The following PLS3 variants were observed in gnomAD, a reference collection of about 807,000 sequenced individuals.
PLS3 encodes the protein plastin-3.
Under a neutral mutation model 46.5 loss-of-function variants are expected in PLS3, and 11 were observed. The observed-to-expected ratio is 0.24, with a 90% CI of 0.15 to 0.39. PLS3 has a LOEUF of 0.39. Among genes scored for constraint, PLS3 ranks in the 10% least tolerant of loss-of-function variants. The probability of loss-of-function intolerance (pLI) is 1.00; values close to 1 mark genes in which losing one functional copy is unlikely to be tolerated. For missense variants in PLS3, 308 were observed against 461.8 expected (o/e 0.67, Z 3.05); for synonymous variants, 167 against 162.2 (o/e 1.03, Z -0.22).
intron 2 of PLS3, chrX:115,610,915 A>G: frequency 1.0e-6 from 1 of 984,132 alleles, no homozygotes; most frequent in East Asian, 3.4e-5. Flanking sequence ...TTGAGCAGCT[A>G]TGGAAGGTAA....
rs782735189 is a variant in PLS3, at chrX:115,568,504, G to GC, written c.-9+7245dup. 7.8e-3 allele frequency among the ~76,000 whole-genome samples: 873 copies of GC among 111,671 alleles called. 7 individuals carry two copies. Among genetic ancestry groups the GC allele is most frequent in the African/African-American group, 0.027 (819 of 30,756 alleles). On this transcript the variant is annotated intron_variant, in intron 1 of 15. Transcript: ENST00000355899. ...ATTTTTAAAAATGTTTAAAATCACTGCAGTATATTTTATATAATGGCTGTT... is the reference window on the plus strand; with the variant it reads ...ATTTTTAAAAATGTTTAAAATCACTGCCAGTATATTTTATATAATGGCTGTT...
intron 1 of PLS3, among the ~76,000 whole-genome samples, chrX:115,602,983 A>G (rs2074459431): frequency 9.0e-6 from 1 of 111,593 alleles, no homozygotes; most frequent in Non-Finnish European, 1.9e-5. Context: ...TAAGTAGATT[A>G]TTCAGTCAGC....
At chrX:115,574,653 C>T (rs1000751491) in intron 1 of PLS3, among the ~76,000 whole-genome samples, 2 of 110,666 alleles carry the variant, frequency 1.8e-5, no homozygotes, top group Non-Finnish European at 3.8e-5. Context: ...GATCTCGGCT[C>T]ACCGTAACCT....
chrX:115,598,513 G>A (rs34003488), intron 1 of PLS3, among the ~76,000 whole-genome samples: 3,490 of 111,167 alleles, frequency 0.031, 143 homozygotes, highest in African/African-American at 0.11. Context: ...TATGCATATA[G>A]CCTCTTAAGC....
intron 1 of PLS3, among the ~76,000 whole-genome samples, chrX:115,599,887 C>T (rs782453341): frequency 1.5e-4 from 17 of 110,641 alleles, no homozygotes; most frequent in African/African-American, 5.2e-4. Context: ...GCCTCGGCCT[C>T]GCAAAGTGCT....
rs1027209292 is a variant in PLS3 at position 115,634,032 on chromosome X, T to C, written c.533T>C (p.Ile178Thr). The C allele has an allele frequency of 5.1e-6, 6 of 1,166,311 alleles. No individual in the cohort carries two copies. The highest frequency in any genetic ancestry group is 1.8e-5 in the South Asian group (1 of 55,030). ...ATTAACCTTTCAGTTCCTGATACCA[T>C]TGATGAAAGAGCAATCAACAAGAAG... ...KMINLSVPDT[I>T]DERAINKKKL... is the part of the protein sequence containing the mutation. The change falls in exon 6 of 16, where the codon ATT (isoleucine) becomes ACT (threonine). Residue 178 changes from isoleucine (I) to threonine (T), a missense_variant. Around this residue, in one of 2 missense-constraint regions of PLS3, gnomAD observed 271 missense variants for 435.7 expected, o/e 0.62. Transcript: ENST00000355899.
Position 115,650,172 on chromosome X carries a change from G to A in PLS3, c.*611G>A, listed in dbSNP as rs1556642318. On this transcript the variant is annotated 3_prime_UTR_variant, in exon 16 of 16. Coordinates refer to ENST00000355899, the MANE Select transcript of PLS3 (RefSeq NM_005032.7). ...TTTTTTGTACATTTAAGAATATTTT[G>A]ATTATATTAAACAAGACTGCTGATT... 5 of 111,512 alleles carry A rather than the reference G, an allele frequency of 4.5e-5. No homozygotes were observed. The highest frequency in any genetic ancestry group is 9.4e-5 in the Non-Finnish European group (5 of 53,025). 9.2% of individuals were successfully genotyped at this position (111,512 alleles called of 1,213,427 possible).
chrX:115,579,608 T>C (rs953117475), intron 1 of PLS3, among the ~76,000 whole-genome samples: 1 of 112,255 alleles, frequency 8.9e-6, no homozygotes, highest in Non-Finnish European at 1.9e-5. Context: ...CTGATAGGTG[T>C]GTAGTGATAG....
intron 8 of PLS3, chrX:115,640,115 T>A (rs782462122): frequency 6.4e-5 from 72 of 1,125,625 alleles, no homozygotes; most frequent in Non-Finnish European, 7.9e-5. Flanking sequence ...TCAAGCTTAT[T>A]GACTTCAGTA....
At chrX:115,618,827 G>A (rs2074621320) in intron 2 of PLS3, among the ~76,000 whole-genome samples, 1 of 111,178 alleles carries the variant, frequency 9.0e-6, no homozygotes, top group African/African-American at 3.3e-5. Context: ...GGAGGCGGAG[G>A]TTGTAGTGAG....
At chrX:115,612,705 A>T (rs1556636271) in intron 2 of PLS3, among the ~76,000 whole-genome samples, 1 of 111,589 alleles carries the variant, frequency 9.0e-6, no homozygotes, top group Non-Finnish European at 1.9e-5. Context: ...AATTACTGCT[A>T]ATCATAGGTT....
rs782451799 is a variant in PLS3, at chrX:115,589,465, C to T, written c.-8-20778C>T. Among the ~76,000 whole-genome samples the T allele has an allele frequency of 2.1e-4, 23 of 111,814 alleles. No homozygotes were observed. The South Asian group carries it at 8.7e-3, about 42-fold the overall frequency. On this transcript the variant is annotated intron_variant, in intron 1 of 15. Transcript: ENST00000355899. Reference sequence around the variant, plus strand: ...ACAGTAGTAGTTTCTTGAATGTAAACTTGTTGCCTGTTTTATATGTTAGAT... The same window carrying T: ...ACAGTAGTAGTTTCTTGAATGTAAATTTGTTGCCTGTTTTATATGTTAGAT...
intron 2 of PLS3, among the ~76,000 whole-genome samples, chrX:115,613,610 G>A (rs1309832938): frequency 8.9e-6 from 1 of 111,831 alleles, no homozygotes; most frequent in Non-Finnish European, 1.9e-5. Context: ...TGGAGGTCTC[G>A]GGATAGTCGG....
At chrX:115,569,964 C>T (rs186231358) in intron 1 of PLS3, among the ~76,000 whole-genome samples, 54 of 111,386 alleles carry the variant, frequency 4.8e-4, no homozygotes, top group Non-Finnish European at 9.4e-4. Flanking sequence ...AGAGACAGAG[C>T]CTCACCTTGT....
chrX:115,626,803 A>G (rs1416221508), intron 3 of PLS3, among the ~76,000 whole-genome samples: 1 of 110,350 alleles, frequency 9.1e-6, no homozygotes, highest in Non-Finnish European at 1.9e-5. Flanking sequence ...GCATTAGGAT[A>G]TATAGCAGAG....
intron 1 of PLS3, among the ~76,000 whole-genome samples, chrX:115,588,630 G>A (rs955575402): frequency 1.1e-4 from 12 of 111,284 alleles, no homozygotes; most frequent in African/African-American, 3.6e-4. Flanking sequence ...AAACTCTTTG[G>A]GATCCTCAGA....
chrX:115,624,144 G>A (rs1556638100), intron 3 of PLS3, among the ~76,000 whole-genome samples: 1 of 103,094 alleles, frequency 9.7e-6, no homozygotes, highest in East Asian at 3.1e-4. Flanking sequence ...CAAGAGAATC[G>A]CCTGAACCAG....
intron 3 of PLS3, 65 bp downstream of exon 3, chrX:115,622,474 T>C (rs1329357703): frequency 2.9e-6 from 2 of 683,224 alleles, no homozygotes; most frequent in African/African-American, 4.3e-5. Flanking sequence ...TGGGATGTTA[T>C]AGTATTAAGT....
intron 2 of PLS3, among the ~76,000 whole-genome samples, chrX:115,612,586 G>A (rs1182651187): frequency 2.7e-5 from 3 of 111,054 alleles, no homozygotes; most frequent in Non-Finnish European, 3.8e-5. Flanking sequence ...GTTCAATTGC[G>A]ACAAAATATG....
Sources: allele counts gnomAD v4.1 joint callset (sites outside exome capture counted in the v4.1 genomes callset), GRCh38; gene constraint gnomAD v4.1.1; regional missense constraint gnomAD v4.1.1; transcripts MANE v1.5; gene names NCBI Gene and HGNC (gene_info 2026-07-23, HGNC 2026-07-21).